PTS: variants seen among roughly 807,000 people sequenced by gnomAD.
PTS encodes 6-pyruvoyltetrahydropterin synthase.
A neutral mutation model predicts 20.6 loss-of-function variants in PTS; 23 were observed. The ratio of observed to expected loss-of-function variants is 1.12; its 90% CI spans 0.80 to 1.58. PTS has a LOEUF of 1.58. PTS is among the 40% of genes most tolerant of loss of function. The probability of loss-of-function intolerance (pLI) is 0.00; values close to 1 mark genes in which losing one functional copy is unlikely to be tolerated. For synonymous variants in PTS, 65 were observed against 62.5 expected (o/e 1.04, Z -0.19); for missense variants, 186 against 182.4 (o/e 1.02, Z -0.11).
intron 1 of PTS, among the ~76,000 whole-genome samples, chr11:112,227,396 A>G (rs999928163): frequency 1.3e-5 from 2 of 152,250 alleles, no homozygotes; most frequent in Non-Finnish European, 2.9e-5. Context: ...ATTTTGTGCA[A>G]AAGACTTTAG....
Position 112,233,166 on chromosome 11 carries a change from G to A in PTS, c.247G>A (p.Ala83Thr). Residue 83 changes from alanine to threonine, a missense_variant, in exon 5 of 6, where the codon GCG becomes ACG. Coordinates refer to ENST00000280362, the MANE Select transcript of PTS (RefSeq NM_000317.3). ...LADLKKYMEE[A>T]IMQPLDHKNL... Reference sequence around the variant, plus strand: ...TTTCCCTTGGTTTTGTCTCTAGGAGGCGATTATGCAGCCCCTTGATCATAA... The same window carrying A: ...TTTCCCTTGGTTTTGTCTCTAGGAGACGATTATGCAGCCCCTTGATCATAA... The A allele has an allele frequency of 1.9e-6, 3 of 1,613,694 alleles. No homozygotes were observed. Among genetic ancestry groups the A allele is most frequent in the Non-Finnish European group, 2.5e-6 (3 of 1,179,626 alleles).
At chr11:112,230,915 A>T (rs920988207) in intron 4 of PTS, among the ~76,000 whole-genome samples, 1 of 152,228 alleles carries the variant, frequency 6.6e-6, no homozygotes, top group South Asian at 2.1e-4. Flanking sequence ...GAAATATAAC[A>T]TGCTCACCTT....
Position 112,228,570 on chromosome 11 carries a change from A to C in PTS, c.84-24A>C, listed in dbSNP as rs749219746. 22 of 1,305,384 alleles carry C rather than the reference A, an allele frequency of 1.7e-5. No individual in the cohort carries two copies. The East Asian group carries it at 4.6e-4, about 28-fold the overall frequency. 80.9% of individuals were successfully genotyped at this position (1,305,384 alleles called of 1,614,324 possible). ...TGAATGTGATACTTGTGTCATGCTG[A>C]CTTTTTTTTTTTTTTTTGGTCAGTA... On this transcript the variant is annotated intron_variant, in intron 1 of 5. Transcript: ENST00000280362.
Position 112,233,469 on chromosome 11 carries a change from C to A in PTS, c.352C>A (p.Leu118Ile). ...TGTAGCTGTTTATATCTGGGACAACCTCCAGAAAGTTCTTCCTGTAGGAGT... is the reference window on the plus strand; with the variant it reads ...TGTAGCTGTTTATATCTGGGACAACATCCAGAAAGTTCTTCCTGTAGGAGT... ...ENVAVYIWDN[L>I]QKVLPVGVLY... The change falls in exon 6 of 6, where the codon CTC becomes ATC. Residue 118 changes from leucine to isoleucine, a missense_variant. Leu to Ile is a conservative substitution (Grantham distance 5). Transcript: ENST00000280362. 1 of 1,613,310 alleles carries A rather than the reference C, an allele frequency of 6.2e-7. No individual in the cohort carries two copies. Among genetic ancestry groups the A allele is most frequent in the Non-Finnish European group, 8.5e-7 (1 of 1,179,798 alleles).
At chr11:112,230,091 G>C in intron 2 of PTS, 117 bp from the exon 3 acceptor site, 1 of 1,016,362 alleles carries the variant, frequency 9.8e-7, no homozygotes, top group Non-Finnish European at 1.6e-6. Context: ...ATAGCTTTTG[G>C]GGACAGATCT....
At chr11:112,230,462 A>G in intron 3 of PTS, 164 bp from the exon 4 acceptor site, 2 of 799,068 alleles carry the variant, frequency 2.5e-6, no homozygotes, top group East Asian at 5.1e-5. Context: ...AGGATGCTTG[A>G]AGTACATGGT....
At position 112,233,701 on chromosome 11, in the gene PTS, G is replaced by C; in HGVS notation, c.*146G>C. ...TGCCTATTTATTGAAATCATTGTAA[G>C]ACCTGTTATAAATTTAAGTCTATTT... On this transcript the variant is annotated 3_prime_UTR_variant, in exon 6 of 6. Coordinates refer to ENST00000280362, the MANE Select transcript of PTS (RefSeq NM_000317.3). The C allele has an allele frequency of 8.4e-7, 1 of 1,196,978 alleles. No homozygotes were observed. The highest frequency in any genetic ancestry group is 2.7e-5 in the East Asian group (1 of 37,088). The allele number at this position is 1,196,978 out of a possible 1,614,324, so 74.1% of individuals were successfully genotyped here.
At chr11:112,232,972 C>T (rs928585914) in intron 4 of PTS, among the ~76,000 whole-genome samples, 191 bp from the exon 5 acceptor site, 7 of 152,154 alleles carry the variant, frequency 4.6e-5, no homozygotes, top group Non-Finnish European at 8.8e-5. Context: ...TAATCATTAC[C>T]GACAGCTGGG....
intron 1 of PTS, 46 bp downstream of exon 1, chr11:112,226,572 C>T (rs1859867615): frequency 2.0e-6 from 3 of 1,475,610 alleles, no homozygotes; most frequent in East Asian, 2.9e-5. Context: ...GGCGCCGGGC[C>T]CCGGAACGTC....
chr11:112,230,685 A>G lies in PTS; in HGVS notation c.243+3A>G. ...CTGATCTCAAAAAATATATGGAGGT[A>G]ATGGCATGTTGGGTGCTTATTATGT... On this transcript the variant is annotated splice_donor_region_variant and intron_variant, in intron 4 of 5. Coordinates refer to ENST00000280362, the MANE Select transcript of PTS (RefSeq NM_000317.3). The G allele has an allele frequency of 3.7e-6, 6 of 1,607,574 alleles. No homozygotes were observed. The highest frequency in any genetic ancestry group is 4.3e-6 in the Non-Finnish European group (5 of 1,174,046).
intron 4 of PTS, among the ~76,000 whole-genome samples, chr11:112,231,037 A>G (rs1241726295): frequency 1.0e-4 from 12 of 116,286 alleles, no homozygotes; most frequent in African/African-American, 3.7e-4. Flanking sequence ...TTTTTTTTTA[A>G]ATAGGCACAG....
chr11:112,233,396 T>A, intron 5 of PTS, 36 bp from the exon 6 acceptor site: 1 of 1,574,508 alleles, frequency 6.4e-7, no homozygotes, highest in Non-Finnish European at 8.6e-7. Flanking sequence ...TGTTTGCATT[T>A]TGAATTTTTT....
intron 3 of PTS, 104 bp downstream of exon 3, chr11:112,230,334 A>G: frequency 2.2e-6 from 3 of 1,372,366 alleles, no homozygotes; most frequent in Non-Finnish European, 3.1e-6. Context: ...GTATTGCTTC[A>G]TTGTTGGCCC....
chr11:112,227,998 G>A (rs1377005956), intron 1 of PTS, among the ~76,000 whole-genome samples: 1 of 152,212 alleles, frequency 6.6e-6, no homozygotes, highest in Non-Finnish European at 1.5e-5. Context: ...TTTGTTTTCT[G>A]TCTGAGACGA....
chr11:112,229,828 T>C (rs1448524388), intron 2 of PTS, among the ~76,000 whole-genome samples: 1 of 152,204 alleles, frequency 6.6e-6, no homozygotes, highest in Non-Finnish European at 1.5e-5. Flanking sequence ...TACTGCTCAG[T>C]ATTGGACCAG....
In PTS at chr11:112,226,488, C is replaced by G; in HGVS notation, c.45C>G (p.Ser15=). The part of the protein sequence containing the change: ...GGGRRCQAQV[S]RRISFSASHR... ...GCCGTCGCTGCCAGGCACAAGTGTC[C>G]CGCCGCATCTCCTTCAGCGCGAGCC... Residue 15 remains serine (S), a synonymous_variant, in exon 1 of 6, where the codon TCC becomes TCG. Coordinates refer to ENST00000280362, the MANE Select transcript of PTS (RefSeq NM_000317.3). The G allele has an allele frequency of 6.3e-7, 1 of 1,586,454 alleles. No individual in the cohort carries two copies. Among genetic ancestry groups the G allele is most frequent in the Non-Finnish European group, 8.6e-7 (1 of 1,168,854 alleles).
chr11:112,231,958 AAG>A (rs1012277407), intron 4 of PTS, among the ~76,000 whole-genome samples: 10 of 151,292 alleles, frequency 6.6e-5, no homozygotes, highest in East Asian at 1.9e-4. Context: ...GAAAAAGAAA[AAG>A]AGAAAAGAAA....
intron 4 of PTS, among the ~76,000 whole-genome samples, chr11:112,232,489 A>G (rs1392295170): frequency 1.3e-5 from 2 of 152,190 alleles, no homozygotes; most frequent in Non-Finnish European, 1.5e-5. Context: ...ACTACGTCCT[A>G]TGGAAAATTA....
At chr11:112,226,916 C>T (rs928444420) in intron 1 of PTS, among the ~76,000 whole-genome samples, 1 of 150,630 alleles carries the variant, frequency 6.6e-6, no homozygotes, top group Non-Finnish European at 1.5e-5. Flanking sequence ...GTACCTGGCG[C>T]GGCGTAGACA....
Sources: allele counts gnomAD v4.1 joint callset (sites outside exome capture counted in the v4.1 genomes callset), GRCh38; gene constraint gnomAD v4.1.1; transcripts MANE v1.5; gene names NCBI Gene and HGNC (gene_info 2026-07-23, HGNC 2026-07-21).